Variants in PIEZO2 observed in about 807,000 individuals in gnomAD.
PIEZO2 encodes piezo type mechanosensitive ion channel component 2.
Under a neutral mutation model 337.3 loss-of-function variants are expected in PIEZO2, and 172 were observed. The observed-to-expected ratio is 0.51, with a 90% CI of 0.45 to 0.58. The LOEUF is 0.58. Ranked by LOEUF, PIEZO2 falls within the 20% of genes least tolerant of loss-of-function variation. PIEZO2 has a pLI of 0.00. For synonymous variants in PIEZO2, 1,251 were observed against 1,228.5 expected (o/e 1.02, Z -0.38); for missense variants, 3,028 against 3,391.3 (o/e 0.89, Z 2.66).
intron 3 of PIEZO2, among the ~76,000 whole-genome samples, chr18:10,913,215 C>T (rs2030636429): frequency 6.6e-6 from 1 of 152,100 alleles, no homozygotes. Flanking sequence ...AGACAATTAT[C>T]CTGCCCCTGA....
At chr18:10,949,709 G>A (rs2033200066) in intron 3 of PIEZO2, among the ~76,000 whole-genome samples, 1 of 152,232 alleles carries the variant, frequency 6.6e-6, no homozygotes, top group Admixed American at 6.5e-5. Context: ...GGGAAATGCA[G>A]AGAGAAGGTG....
intron 48 of PIEZO2, 132 bp downstream of exon 48, chr18:10,691,093 A>G (rs2034800956): frequency 4.6e-6 from 5 of 1,076,944 alleles, no homozygotes; most frequent in Non-Finnish European, 2.7e-6. Context: ...CTTTGCCAAC[A>G]TCGTAAGAGT....
chr18:10,796,295 G>A (rs1376226351), intron 12 of PIEZO2, among the ~76,000 whole-genome samples: 3 of 151,622 alleles, frequency 2.0e-5, no homozygotes, highest in Non-Finnish European at 1.5e-5. Context: ...GCGTGAACCC[G>A]AGAGGTGGAG....
chr18:10,946,949 C>T (rs373628045), intron 3 of PIEZO2, among the ~76,000 whole-genome samples: 11 of 151,720 alleles, frequency 7.3e-5, no homozygotes, highest in Middle Eastern at 6.8e-3. Context: ...TGTAAACATA[C>T]GTCAACCAGC....
At chr18:10,928,636 C>A (rs1306774704) in intron 3 of PIEZO2, among the ~76,000 whole-genome samples, 1 of 152,198 alleles carries the variant, frequency 6.6e-6, no homozygotes, top group African/African-American at 2.4e-5. Context: ...AGATCCCAGG[C>A]CTTCATGCCA....
chr18:10,673,865 G>T lies in PIEZO2; in HGVS notation c.8162-992C>A, dbSNP rs1214161768. On this transcript the variant is annotated intron_variant, in intron 54 of 55. Coordinates refer to ENST00000674853, the MANE Select transcript of PIEZO2 (RefSeq NM_001378183.1). This position sits in a 1 kb window ranked among gnomAD's most constrained non-coding sequence, Gnocchi z 4.8. ...ATTGGAAGAAGAAGAATTGTCTTGG[G>T]TCACCCAGGAAATATACTAACACCA... is the stretch of plus-strand genomic sequence containing the variant. Among the ~76,000 whole-genome samples the T allele has an allele frequency of 6.6e-6, 1 of 152,140 alleles. No homozygotes were observed. Among genetic ancestry groups the T allele is most frequent in the Non-Finnish European group, 1.5e-5 (1 of 68,030 alleles).
Position 10,726,535 on chromosome 18 carries a change from C to T in PIEZO2, c.5029+4872G>A, listed in dbSNP as rs1012798643. The T allele has an allele frequency of 3.8e-5, 55 of 1,441,058 alleles. No individual in the cohort carries two copies. The African/African-American group carries it at 7.3e-4, about 19-fold the overall frequency. The allele number at this position is 1,441,058 out of a possible 1,614,324, so 89.3% of individuals were successfully genotyped here. ...TCCTGTGGCGCGCTGCGCTGCTCTG[C>T]TCTGCTACACCAGCCGCCACGCTGT... On this transcript the variant is annotated intron_variant, in intron 36 of 55. Coordinates refer to ENST00000674853, the MANE Select transcript of PIEZO2 (RefSeq NM_001378183.1). This position sits in a 1 kb window ranked among gnomAD's most constrained non-coding sequence, Gnocchi z 5.9.
At chr18:11,010,010 G>C (rs1294411100) in intron 2 of PIEZO2, among the ~76,000 whole-genome samples, 1 of 152,094 alleles carries the variant, frequency 6.6e-6, no homozygotes, top group Non-Finnish European at 1.5e-5. Flanking sequence ...ATGGCATTTT[G>C]TTATAACAGC....
In PIEZO2 at chr18:10,919,109, A is replaced by G. The variant is rs2031216870; in HGVS notation, c.287-7881T>C. 6.6e-5 allele frequency among the ~76,000 whole-genome samples: 10 copies of G among 152,124 alleles called. No homozygotes were observed. In the South Asian group the frequency reaches 2.1e-3, roughly 31 times the overall value. Reference sequence around the variant, plus strand: ...TTTTTTATCTTTTACAAAACATTTTATTTTAACTTACATTTTTATAATTAG... The same window carrying G: ...TTTTTTATCTTTTACAAAACATTTTGTTTTAACTTACATTTTTATAATTAG... On this transcript the variant is annotated intron_variant, in intron 3 of 55. Transcript: ENST00000674853.
rs1358006720 is a variant in PIEZO2, at chr18:11,104,383, T to G, written c.65-38161A>C. Among the ~76,000 whole-genome samples, 1 of 152,342 alleles carries G rather than the reference T, an allele frequency of 6.6e-6. No individual in the cohort carries two copies. Among genetic ancestry groups the G allele is most frequent in the East Asian group, 1.9e-4 (1 of 5,180 alleles). On this transcript the variant is annotated intron_variant, in intron 1 of 55. Coordinates refer to ENST00000674853, the MANE Select transcript of PIEZO2 (RefSeq NM_001378183.1). The surrounding 1 kb of genome is among the most constrained non-coding windows in gnomAD (Gnocchi z 4.6). ...TCTCCTAGACCAAGACAGTCTGATTTGTGTCTTTTGGATTTAGGAGACACC... is the reference window on the plus strand; with the variant it reads ...TCTCCTAGACCAAGACAGTCTGATTGGTGTCTTTTGGATTTAGGAGACACC...
At chr18:10,736,426 T>C (rs549756483) in intron 34 of PIEZO2, among the ~76,000 whole-genome samples, 178 bp downstream of exon 34, 1 of 152,304 alleles carries the variant, frequency 6.6e-6, no homozygotes, top group East Asian at 1.9e-4. Context: ...AATTACGGTG[T>C]TGCTGGGAGC....
chr18:11,146,663 A>G lies in PIEZO2; in HGVS notation c.64+1862T>C, dbSNP rs561909493. ...AGGTGAGCTGAGTCCAGGGAGCCCA[A>G]CCTGCAAGAGCCTATGCTCAGGGCA... On this transcript the variant is annotated intron_variant, in intron 1 of 55. Transcript: ENST00000674853. This position sits in a 1 kb window ranked among gnomAD's most constrained non-coding sequence, Gnocchi z 6.1. 6.6e-6 allele frequency among the ~76,000 whole-genome samples: 1 copy of G among 152,294 alleles called. No individual in the cohort carries two copies. The highest frequency in any genetic ancestry group is 6.5e-5 in the Admixed American group (1 of 15,304).
At chr18:10,697,233 C>T (rs7230422) in intron 45 of PIEZO2, among the ~76,000 whole-genome samples, 17,226 of 152,192 alleles carry the variant, frequency 0.11, 1,853 homozygotes, top group African/African-American at 0.26. Context: ...CTCTCCTGCT[C>T]TCAGAGCCTC....
chr18:11,083,547 G>T lies in PIEZO2; in HGVS notation c.65-17325C>A, dbSNP rs1454653089. Among the ~76,000 whole-genome samples the T allele has an allele frequency of 6.6e-6, 1 of 152,202 alleles. No homozygotes were observed. The highest frequency in any genetic ancestry group is 2.4e-5 in the African/African-American group (1 of 41,454). On this transcript the variant is annotated intron_variant, in intron 1 of 55. Transcript: ENST00000674853. This position sits in a 1 kb window ranked among gnomAD's most constrained non-coding sequence, Gnocchi z 4.4. ...AGGGGGAGCCACTCAGGTGGTGCCA[G>T]CCCTGCAGGGCACGGTGTGGGCTCT...
intron 51 of PIEZO2, 64 bp downstream of exon 51, chr18:10,681,597 G>T: frequency 7.5e-7 from 1 of 1,336,200 alleles, no homozygotes; most frequent in South Asian, 1.2e-5. Context: ...AGCATTAAAT[G>T]ACAATGAGTG....
chr18:10,689,847 C>T, intron 48 of PIEZO2, 45 bp from the exon 49 acceptor site: 1 of 1,564,930 alleles, frequency 6.4e-7, no homozygotes, highest in Non-Finnish European at 8.7e-7. Context: ...GTGGGTGGCC[C>T]CCACCACCCT....
intron 7 of PIEZO2, among the ~76,000 whole-genome samples, chr18:10,848,218 G>A (rs1013568795): frequency 2.6e-5 from 4 of 152,126 alleles, no homozygotes; most frequent in Non-Finnish European, 5.9e-5. Context: ...TGACCCCACT[G>A]GCTTCTCCAA....
At position 11,105,333 on chromosome 18, in the gene PIEZO2, C is replaced by A. The variant is rs1224375715; in HGVS notation, c.65-39111G>T. 2.0e-5 allele frequency among the ~76,000 whole-genome samples: 3 copies of A among 152,202 alleles called. No individual in the cohort carries two copies. Among genetic ancestry groups the A allele is most frequent in the Non-Finnish European group, 4.4e-5 (3 of 68,028 alleles). ...AAAGGGAACTTAAAATTCAGACTTA[C>A]TCCTCTAGACTGTAAACCACACAAC... is the stretch of plus-strand genomic sequence containing the variant. On this transcript the variant is annotated intron_variant, in intron 1 of 55. Coordinates refer to ENST00000674853, the MANE Select transcript of PIEZO2 (RefSeq NM_001378183.1). The surrounding 1 kb of genome is among the most constrained non-coding windows in gnomAD (Gnocchi z 4.3).
At position 11,109,221 on chromosome 18, in the gene PIEZO2, T is replaced by C. The variant is rs2039660454; in HGVS notation, c.64+39304A>G. On this transcript the variant is annotated intron_variant, in intron 1 of 55. Transcript: ENST00000674853. This position sits in a 1 kb window ranked among gnomAD's most constrained non-coding sequence, Gnocchi z 5.1. ...CTCATGGAAGTGCAGCTGGAGATTT[T>C]ATTAGCACTTTATGGTCCACATGAT... Among the ~76,000 whole-genome samples, 1 of 152,228 alleles carries C rather than the reference T, an allele frequency of 6.6e-6. No individual in the cohort carries two copies. Among genetic ancestry groups the C allele is most frequent in the Non-Finnish European group, 1.5e-5 (1 of 68,038 alleles).
Sources: gnomAD v4.1 joint callset for allele counts (sites outside exome capture counted in the v4.1 genomes callset) on GRCh38, gnomAD v4.1.1 for gene constraint, Gnocchi (gnomAD v3.1) non-coding constraint, MANE v1.5 for transcripts, NCBI Gene and HGNC (gene_info 2026-07-23, HGNC 2026-07-21) for gene names.